The following DAB2IP variants were observed in gnomAD, a reference collection of about 807,000 sequenced individuals.
DAB2IP encodes disabled homolog 2-interacting protein.
DAB2IP carries 28 observed loss-of-function variants against 107.2 expected under a neutral mutation model. The observed-to-expected ratio is 0.26, with a 90% CI of 0.19 to 0.36. The LOEUF is 0.36. Among genes scored for constraint, DAB2IP ranks in the 10% least tolerant of loss-of-function variants. The pLI, the probability that DAB2IP is intolerant of heterozygous loss-of-function variation, is 1.00. For missense variants in DAB2IP, 1,400 were observed against 1,644.7 expected (o/e 0.85, Z 2.57); for synonymous variants, 755 against 706.4 (o/e 1.07, Z -1.09).
At chr9:121,628,917 T>C (rs559955547) in intron 1 of DAB2IP, among the ~76,000 whole-genome samples, 1 of 152,338 alleles carries the variant, frequency 6.6e-6, no homozygotes, top group South Asian at 2.1e-4. Context: ...TAACAGTTCC[T>C]TCTTCACAGG....
chr9:121,676,021 C>T (rs1282064481), intron 1 of DAB2IP, among the ~76,000 whole-genome samples: 4 of 152,212 alleles, frequency 2.6e-5, no homozygotes. Context: ...ACAGCAAGGG[C>T]CTTAAGAGAC....
At chr9:121,640,127 G>C (rs1832229015) in intron 1 of DAB2IP, among the ~76,000 whole-genome samples, 1 of 152,172 alleles carries the variant, frequency 6.6e-6, no homozygotes, top group Non-Finnish European at 1.5e-5. Context: ...TCCTTCCTGT[G>C]CATCGCCCCA....
rs1829823465 is a variant in DAB2IP, at chr9:121,702,197, G to A, written c.362+2739G>A. Among the ~76,000 whole-genome samples, 2 of 152,218 alleles carry A rather than the reference G, an allele frequency of 1.3e-5. No homozygotes were observed. Among genetic ancestry groups the A allele is most frequent in the Non-Finnish European group, 2.9e-5 (2 of 68,044 alleles). The stretch of plus-strand genomic sequence containing the variant: ...GTGCTCCGCAAGCTGCTGTGTTGGG[G>A]AGGTGGTTTTTTTGCGCTGGAATTC... On this transcript the variant is annotated intron_variant, in intron 3 of 15. Coordinates refer to ENST00000408936, the Ensembl canonical transcript of DAB2IP. This position sits in a 1 kb window ranked among gnomAD's most constrained non-coding sequence, Gnocchi z 4.5.
At chr9:121,674,787 C>A (rs528165826) in intron 1 of DAB2IP, among the ~76,000 whole-genome samples, 1 of 152,120 alleles carries the variant, frequency 6.6e-6, no homozygotes, top group African/African-American at 2.4e-5. Context: ...CACCGGGCAC[C>A]CAGTGTTCTA....
chr9:121,684,359 G>A lies in DAB2IP; in HGVS notation c.228+5578G>A, dbSNP rs770934479. On this transcript the variant is annotated intron_variant, in intron 2 of 15. Coordinates refer to ENST00000408936, the Ensembl canonical transcript of DAB2IP. The surrounding 1 kb of genome is among the most constrained non-coding windows in gnomAD (Gnocchi z 4.0). Reference sequence around the variant, plus strand: ...GCCCAGGTCTCTGTCCCTCTCCCCCGCATCCAGTGGTCCTCACCCCTTACT... The same window carrying A: ...GCCCAGGTCTCTGTCCCTCTCCCCCACATCCAGTGGTCCTCACCCCTTACT... 3.9e-5 allele frequency among the ~76,000 whole-genome samples: 6 copies of A among 152,038 alleles called. No individual in the cohort carries two copies. The highest frequency in any genetic ancestry group is 7.3e-5 in the African/African-American group (3 of 41,372).
intron 1 of DAB2IP, among the ~76,000 whole-genome samples, chr9:121,627,749 A>G (rs1320191296): frequency 1.3e-5 from 2 of 152,370 alleles, no homozygotes; most frequent in Middle Eastern, 3.4e-3. Context: ...ACTTTCATGC[A>G]CATGTATATA....
At chr9:121,766,840 G>A in intron 9 of DAB2IP, 110 bp downstream of exon 9, 1 of 1,115,236 alleles carries the variant, frequency 9.0e-7, no homozygotes, top group Non-Finnish European at 1.3e-6. Flanking sequence ...AACAGGCCCT[G>A]GTTTTGTCCC....
At chr9:121,606,187 C>G (rs899887606) in intron 1 of DAB2IP, among the ~76,000 whole-genome samples, 1 of 151,332 alleles carries the variant, frequency 6.6e-6, no homozygotes, top group African/African-American at 2.4e-5. Context: ...AATAAAAATA[C>G]AAAAAGAAAA....
At chr9:121,567,459 G>A (rs577832190) in intron 1 of DAB2IP, among the ~76,000 whole-genome samples, 2 of 152,322 alleles carry the variant, frequency 1.3e-5, no homozygotes, top group Non-Finnish European at 2.9e-5. Context: ...AGGTCCAGGG[G>A]AGGGAGAGAG....
At chr9:121,672,962 T>C (rs1833740637) in intron 1 of DAB2IP, among the ~76,000 whole-genome samples, 3 of 152,234 alleles carry the variant, frequency 2.0e-5, no homozygotes, top group Admixed American at 1.3e-4. Flanking sequence ...AAAGGCAGCA[T>C]GCTGGGGCCT....
intron 1 of DAB2IP, among the ~76,000 whole-genome samples, chr9:121,626,369 A>T (rs1831646203): frequency 6.7e-6 from 1 of 148,502 alleles, no homozygotes; most frequent in African/African-American, 2.5e-5. Context: ...AAAAATGAAG[A>T]TGTGAGGCAC....
intron 1 of DAB2IP, among the ~76,000 whole-genome samples, chr9:121,601,165 C>G (rs564104732): frequency 6.6e-6 from 1 of 152,332 alleles, no homozygotes; most frequent in Admixed American, 6.5e-5. Flanking sequence ...TTTCCCCACC[C>G]CTTTTAGACA....
intron 1 of DAB2IP, among the ~76,000 whole-genome samples, 154 bp downstream of exon 1, chr9:121,652,053 C>G (rs1589454625): frequency 6.6e-6 from 1 of 152,204 alleles, no homozygotes. Context: ...CCCCCATTCC[C>G]CCAGCTTCTG....
chr9:121,656,100 C>A (rs1832960601), intron 1 of DAB2IP, among the ~76,000 whole-genome samples: 1 of 151,916 alleles, frequency 6.6e-6, no homozygotes, highest in Non-Finnish European at 1.5e-5. Flanking sequence ...CCTCTGCCTC[C>A]CGGGTTCAAG....
At position 121,699,106 on chromosome 9, in the gene DAB2IP, G is replaced by T. The variant is rs921195309; in HGVS notation, c.229-219G>T. Reference sequence around the variant, plus strand: ...CGGCTTAGGGGGCGGGGGCGACGTGGCGGGCGGGGTGGGCTGGGCCGCGCT... The same window carrying T: ...CGGCTTAGGGGGCGGGGGCGACGTGTCGGGCGGGGTGGGCTGGGCCGCGCT... On this transcript the variant is annotated intron_variant, in intron 2 of 15. Coordinates refer to ENST00000408936, the Ensembl canonical transcript of DAB2IP. The surrounding 1 kb of genome is among the most constrained non-coding windows in gnomAD (Gnocchi z 6.2). Among the ~76,000 whole-genome samples the T allele has an allele frequency of 1.4e-5, 2 of 146,558 alleles. No homozygotes were observed. The highest frequency in any genetic ancestry group is 3.0e-5 in the Non-Finnish European group (2 of 65,966).
intron 14 of DAB2IP, among the ~76,000 whole-genome samples, chr9:121,778,908 G>A (rs1046909113): frequency 1.3e-5 from 2 of 151,750 alleles, no homozygotes; most frequent in Non-Finnish European, 2.9e-5. Context: ...GTCAGTAGTT[G>A]GATTGTGATG....
intron 13 of DAB2IP, among the ~76,000 whole-genome samples, chr9:121,774,648 C>T (rs1442553512): frequency 6.6e-6 from 1 of 152,182 alleles, no homozygotes; most frequent in Non-Finnish European, 1.5e-5. Context: ...ATTGGAATCA[C>T]CAGGGAATTG....
At chr9:121,783,754 G>A (rs1370464499) in exon 16 of DAB2IP, 7 of 671,920 alleles carry the variant, frequency 1.0e-5, no homozygotes, top group Non-Finnish European at 1.8e-5. Context: ...ATACAGGGGA[G>A]GGGCGCACCC....
intron 1 of DAB2IP, among the ~76,000 whole-genome samples, chr9:121,663,546 C>G (rs1455163484): frequency 6.6e-6 from 1 of 152,184 alleles, no homozygotes; most frequent in African/African-American, 2.4e-5. Context: ...ACTCCACTCC[C>G]CAGCAGCAGT....
Sources: gnomAD v4.1 joint callset for allele counts (sites outside exome capture counted in the v4.1 genomes callset) on GRCh38, gnomAD v4.1.1 for gene constraint, Gnocchi (gnomAD v3.1) non-coding constraint, MANE v1.5 for transcripts, NCBI Gene and HGNC (gene_info 2026-07-23, HGNC 2026-07-21) for gene names.